The following NF2 variants were observed in gnomAD, a reference collection of about 807,000 sequenced individuals.
The protein encoded by NF2 is NF2, moesin-ezrin-radixin like (MERLIN) tumor suppressor.
In NF2, 8 loss-of-function variants were observed where a neutral mutation model predicts 83.7. The ratio of observed to expected loss-of-function variants is 0.10; its 90% CI spans 0.06 to 0.17. NF2 has a LOEUF of 0.17. Among genes scored for constraint, NF2 ranks in the 10% least tolerant of loss-of-function variants. NF2 has a pLI of 1.00. For missense variants in NF2, 533 were observed against 744.4 expected, an observed-to-expected ratio of 0.72 and a Z score of 3.31; for synonymous variants, 266 against 269.6, an observed-to-expected ratio of 0.99 and a Z score of 0.13.
At chr22:29,633,677 A>G (rs1035128307) in intron 1 of NF2, among the ~76,000 whole-genome samples, 1 of 152,174 alleles carries the variant, frequency 6.6e-6, no homozygotes, top group Non-Finnish European at 1.5e-5. Context: ...CATTCCCGCC[A>G]TGCCACCTCC....
intron 15 of NF2, among the ~76,000 whole-genome samples, chr22:29,692,246 C>T (rs1274781207): frequency 6.6e-6 from 1 of 152,200 alleles, no homozygotes; most frequent in Non-Finnish European, 1.5e-5. Flanking sequence ...CTCTCCTGCC[C>T]AGTGGCTGTG....
intron 8 of NF2, among the ~76,000 whole-genome samples, chr22:29,663,610 A>T (rs2066536810): frequency 6.6e-6 from 1 of 152,236 alleles, no homozygotes; most frequent in Non-Finnish European, 1.5e-5. Flanking sequence ...AGCCAAAAAT[A>T]AGCTCACAAA....
chr22:29,658,149 C>T (rs1569295861), intron 6 of NF2, 40 bp from the exon 7 acceptor site: 1 of 1,592,952 alleles, frequency 6.3e-7, no homozygotes, highest in Non-Finnish European at 8.6e-7. Context: ...CCACCCATCT[C>T]ACTTAGCTCC....
intron 8 of NF2, among the ~76,000 whole-genome samples, chr22:29,663,764 C>CATA (rs1179169379): frequency 6.6e-6 from 1 of 152,238 alleles, no homozygotes; most frequent in Non-Finnish European, 1.5e-5. Flanking sequence ...TCTTCCCAAA[C>CATA]ATATTTATCT....
At chr22:29,613,475 G>A (rs1434329878) in intron 1 of NF2, among the ~76,000 whole-genome samples, 1 of 152,166 alleles carries the variant, frequency 6.6e-6, no homozygotes, top group Non-Finnish European at 1.5e-5. Context: ...AGGTTGCAGT[G>A]AGTCGAGATC....
At position 29,696,795 on chromosome 22, in the gene NF2, GTT is replaced by G. The variant is rs886057365; in HGVS notation, c.*2006_*2007del. 61 of 170,148 alleles carry G rather than the reference GTT, an allele frequency of 3.6e-4. No individual in the cohort carries two copies. The highest frequency in any genetic ancestry group is 4.9e-4 in the Non-Finnish European group (41 of 83,262). 10.5% of individuals were successfully genotyped at this position (170,148 alleles called of 1,614,324 possible). A position where few individuals can be genotyped will look rare whatever the true frequency, so the allele number is the denominator to read the frequency against. On this transcript the variant is annotated 3_prime_UTR_variant, in exon 16 of 16. Coordinates refer to ENST00000338641, the MANE Select transcript of NF2 (RefSeq NM_000268.4). The stretch of plus-strand genomic sequence containing the variant: ...AGTGAGGTCTGGCTCTGCCTCCTCC[GTT>G]TTTTTTTTTTTTCTGTTTCTGTTTC...
intron 1 of NF2, among the ~76,000 whole-genome samples, chr22:29,620,567 C>T (rs1440791941): frequency 6.8e-6 from 1 of 146,608 alleles, no homozygotes; most frequent in African/African-American, 2.5e-5. Context: ...GGGAAAAACT[C>T]GTCTCTACTA....
chr22:29,664,371 C>CCACACACACA lies in NF2; in HGVS notation c.811-592_811-583dup, dbSNP rs35386801. On this transcript the variant is annotated intron_variant, in intron 8 of 15. Transcript: ENST00000338641. The stretch of plus-strand genomic sequence containing the variant: ...CATCTTAGTCACCAAAAAGCTAATA[C>CCACACACACA]CACACACACACACACACACACACAC... Among the ~76,000 whole-genome samples, 212 of 146,452 alleles carry CCACACACACA rather than the reference C, an allele frequency of 1.4e-3. 1 individual carries two copies. Among genetic ancestry groups the CCACACACACA allele is most frequent in the Middle Eastern group, 3.5e-3 (1 of 288 alleles).
chr22:29,604,070 G>C lies in NF2; in HGVS notation c.72G>C (p.Val24=), dbSNP rs761062232. 4.4e-6 allele frequency: 7 copies of C among 1,607,914 alleles called. No individual in the cohort carries two copies. The highest frequency in any genetic ancestry group is 5.9e-6 in the Non-Finnish European group (7 of 1,177,340). ...LKRKQPKTFT[V]RIVTMDAEME... ...GGAAGCAACCCAAGACGTTCACCGT[G>C]AGGATCGTCACCATGGACGCCGAGA... is the stretch of plus-strand genomic sequence containing the variant. Residue 24 remains valine (V), a synonymous_variant, in exon 1 of 16, where the codon GTG becomes GTC. Transcript: ENST00000338641.
chr22:29,613,791 G>A (rs1022760639), intron 1 of NF2, among the ~76,000 whole-genome samples: 4 of 149,746 alleles, frequency 2.7e-5, no homozygotes, highest in African/African-American at 7.4e-5. Flanking sequence ...ATGGAGTCTC[G>A]CTCTGTCATC....
intron 2 of NF2, among the ~76,000 whole-genome samples, chr22:29,637,405 C>T (rs2065677666): frequency 6.6e-6 from 1 of 152,172 alleles, no homozygotes; most frequent in South Asian, 2.1e-4. Flanking sequence ...GCTTCTGACA[C>T]ATGGCCAAGA....
At chr22:29,646,901 AG>A (rs1263554746) in intron 4 of NF2, among the ~76,000 whole-genome samples, 1 of 152,028 alleles carries the variant, frequency 6.6e-6, no homozygotes, top group African/African-American at 2.4e-5. Context: ...AAAATTAGCC[AG>A]GCGTGGTGGT....
chr22:29,664,066 C>T (rs2066548168), intron 8 of NF2, among the ~76,000 whole-genome samples: 2 of 152,196 alleles, frequency 1.3e-5, no homozygotes, highest in South Asian at 4.1e-4. Context: ...TTCCCATGTT[C>T]AGAAACCTGT....
rs2147094334 is a variant in NF2 at position 29,674,961 on chromosome 22, G to A, written c.1446+20G>A. The A allele has an allele frequency of 6.5e-7, 1 of 1,547,640 alleles. No homozygotes were observed. Among genetic ancestry groups the A allele is most frequent in the African/African-American group, 1.4e-5 (1 of 73,170 alleles). ...TACCCGGTGAGCCTGGGGGCCACCA[G>A]CTGGGGCTGCCTTAGTCCTGGTGAT... On this transcript the variant is annotated intron_variant, in intron 13 of 15. Transcript: ENST00000338641.
chr22:29,638,986 A>T, intron 2 of NF2, 104 bp from the exon 3 acceptor site: 1 of 1,511,818 alleles, frequency 6.6e-7, no homozygotes, highest in Non-Finnish European at 9.2e-7. Context: ...TGATAAATTT[A>T]GTGGGAAAAA....
At chr22:29,661,074 C>G (rs2066463665) in intron 7 of NF2, 131 bp from the exon 8 acceptor site, 1 of 1,309,068 alleles carries the variant, frequency 7.6e-7, no homozygotes, top group Admixed American at 1.7e-5. Context: ...GTTTATAAGA[C>G]AGCTGTGACT....
Position 29,695,187 on chromosome 22 carries a change from A to C in NF2, c.*385A>C. 2.4e-6 allele frequency: 1 copy of C among 410,996 alleles called. No homozygotes were observed. Among genetic ancestry groups the C allele is most frequent in the Non-Finnish European group, 4.5e-6 (1 of 219,958 alleles). The allele number at this position is 410,996 out of a possible 1,614,324, so 25.5% of individuals were successfully genotyped here. On this transcript the variant is annotated 3_prime_UTR_variant, in exon 16 of 16. Transcript: ENST00000338641. This position sits in a 1 kb window ranked among gnomAD's most constrained non-coding sequence, Gnocchi z 5.4. ...GGAGTGAGACACTGAAGCCCTGAGA[A>C]GCCAGTGCCATCATCCCCACCCCGC...
chr22:29,616,415 G>T (rs1357439266), intron 1 of NF2, among the ~76,000 whole-genome samples: 1 of 152,186 alleles, frequency 6.6e-6, no homozygotes, highest in Non-Finnish European at 1.5e-5. Context: ...ACAGAAATTT[G>T]AATTTCACAT....
At chr22:29,689,297 A>C (rs2067346636) in intron 15 of NF2, among the ~76,000 whole-genome samples, 1 of 151,036 alleles carries the variant, frequency 6.6e-6, no homozygotes, top group South Asian at 2.1e-4. Flanking sequence ...AAGGTTTCCC[A>C]CACCCCAAAC....
Sources: gnomAD v4.1 joint callset for allele counts (sites outside exome capture counted in the v4.1 genomes callset) on GRCh38, gnomAD v4.1.1 for gene constraint, Gnocchi (gnomAD v3.1) non-coding constraint, MANE v1.5 for transcripts, NCBI Gene and HGNC (gene_info 2026-07-23, HGNC 2026-07-21) for gene names.